The following ANKRD30BL variants were observed in gnomAD, a reference collection of about 807,000 sequenced individuals.
ANKRD30BL encodes the protein putative ankyrin repeat domain-containing protein 30B-like.
Under a neutral mutation model 18.4 loss-of-function variants are expected in ANKRD30BL, and 20 were observed. The observed-to-expected ratio is 1.09, with a 90% CI of 0.77 to 1.58. ANKRD30BL has a LOEUF of 1.58. Among genes scored for constraint, ANKRD30BL ranks in the 40% most tolerant of loss-of-function variants. ANKRD30BL has a pLI of 0.00. For synonymous variants in ANKRD30BL, 72 were observed against 100.9 expected (o/e 0.71, Z 1.72); for missense variants, 224 against 268.6 (o/e 0.83, Z 1.16).
intron 1 of ANKRD30BL, among the ~76,000 whole-genome samples, chr2:132,225,053 C>A (rs199782305): frequency 6.6e-6 from 1 of 151,722 alleles, no homozygotes; most frequent in East Asian, 2.0e-4. Flanking sequence ...GAGACTTGAA[C>A]ATTCTTAATA....
chr2:132,221,692 G>T (rs1334445457), intron 1 of ANKRD30BL, among the ~76,000 whole-genome samples: 9 of 117,448 alleles, frequency 7.7e-5, no homozygotes, highest in Non-Finnish European at 1.2e-4. Context: ...GGAGGGAGGT[G>T]GGGGGATCAG....
intron 1 of ANKRD30BL, among the ~76,000 whole-genome samples, chr2:132,218,497 T>C (rs1394947339): frequency 4.6e-5 from 7 of 152,236 alleles, no homozygotes; most frequent in Non-Finnish European, 8.8e-5. Context: ...CTCAGAAACT[T>C]CTTTGTGATG....
chr2:132,228,806 T>A (rs944446347), intron 1 of ANKRD30BL, among the ~76,000 whole-genome samples: 1 of 149,300 alleles, frequency 6.7e-6, no homozygotes, highest in Non-Finnish European at 1.5e-5. Context: ...TCTGAAAAAC[T>A]TCTTTGTGGT....
chr2:132,253,765 A>C (rs75397094), intron 1 of ANKRD30BL, among the ~76,000 whole-genome samples: 1 of 150,818 alleles, frequency 6.6e-6, no homozygotes, highest in African/African-American at 2.4e-5. Context: ...AAACCTCTGC[A>C]CCAGAATGCG....
chr2:132,202,315 C>A, intron 1 of ANKRD30BL, among the ~76,000 whole-genome samples: 1 of 151,222 alleles, frequency 6.6e-6, no homozygotes, highest in African/African-American at 2.4e-5. Context: ...AAGTACATCA[C>A]CAAAAAAATA....
chr2:132,221,333 C>G (rs1242161211), intron 1 of ANKRD30BL, among the ~76,000 whole-genome samples: 26 of 147,260 alleles, frequency 1.8e-4, no homozygotes, highest in African/African-American at 6.7e-4. Context: ...GGGGTCAGCC[C>G]CCCGCCCGGC....
chr2:132,245,422 A>C (rs1680469529), intron 1 of ANKRD30BL, among the ~76,000 whole-genome samples: 2 of 12,608 alleles, frequency 1.6e-4, no homozygotes, highest in African/African-American at 3.7e-4. Flanking sequence ...TTTGAGGCCT[A>C]TGGAGAAAAA....
intron 1 of ANKRD30BL, among the ~76,000 whole-genome samples, chr2:132,255,923 C>T (rs549686691): frequency 5.3e-5 from 8 of 152,160 alleles, no homozygotes; most frequent in African/African-American, 1.7e-4. Flanking sequence ...TGGCGGCACC[C>T]GACCCCCCGG....
chr2:132,229,034 T>A (rs1679928371), intron 1 of ANKRD30BL, among the ~76,000 whole-genome samples: 1 of 152,058 alleles, frequency 6.6e-6, no homozygotes, highest in African/African-American at 2.4e-5. Flanking sequence ...ATAGAGCAGT[T>A]TTAAAGCTCC....
intron 1 of ANKRD30BL, among the ~76,000 whole-genome samples, chr2:132,251,312 A>C (rs1680640814): frequency 6.6e-6 from 1 of 152,182 alleles, no homozygotes; most frequent in Admixed American, 6.6e-5. Context: ...ACTGTTTTGC[A>C]TGCATTCATT....
chr2:132,231,869 C>T (rs1294486341), intron 1 of ANKRD30BL, among the ~76,000 whole-genome samples: 2 of 152,240 alleles, frequency 1.3e-5, no homozygotes, highest in African/African-American at 2.4e-5. Flanking sequence ...CCTCTGTAGG[C>T]TCCACCTCTG....
chr2:132,255,181 C>T (rs999693205), intron 1 of ANKRD30BL, among the ~76,000 whole-genome samples: 3 of 152,214 alleles, frequency 2.0e-5, no homozygotes, highest in Non-Finnish European at 2.9e-5. Flanking sequence ...GACTTTCGTT[C>T]TTGATTAATG....
At chr2:132,229,013 C>A (rs1164109832) in intron 1 of ANKRD30BL, among the ~76,000 whole-genome samples, 1 of 151,816 alleles carries the variant, frequency 6.6e-6, no homozygotes, top group South Asian at 2.1e-4. Flanking sequence ...CGGATTGAAA[C>A]CTTTCTTTTG....
chr2:132,219,895 T>C (rs1001668833), intron 1 of ANKRD30BL, among the ~76,000 whole-genome samples: 1 of 152,164 alleles, frequency 6.6e-6, no homozygotes, highest in Non-Finnish European at 1.5e-5. Context: ...CTCACAGAGT[T>C]GAACCTTTCT....
At chr2:132,208,131 C>G (rs537694696) in intron 1 of ANKRD30BL, among the ~76,000 whole-genome samples, 1 of 152,132 alleles carries the variant, frequency 6.6e-6, no homozygotes, top group African/African-American at 2.4e-5. Context: ...ATTCCCTAAA[C>G]AGAATTGTAG....
intron 1 of ANKRD30BL, among the ~76,000 whole-genome samples, chr2:132,224,573 C>T (rs1679790297): frequency 6.6e-6 from 1 of 152,062 alleles, no homozygotes; most frequent in African/African-American, 2.4e-5. Flanking sequence ...AGGTTTGAAA[C>T]ACTCATTTTG....
At chr2:132,209,531 C>A (rs1679289343) in intron 1 of ANKRD30BL, among the ~76,000 whole-genome samples, 1 of 152,086 alleles carries the variant, frequency 6.6e-6, no homozygotes, top group Non-Finnish European at 1.5e-5. Flanking sequence ...AAAAACTACA[C>A]AAATGCCTTC....
intron 1 of ANKRD30BL, among the ~76,000 whole-genome samples, chr2:132,201,565 A>G (rs1216374059): frequency 5.3e-5 from 8 of 152,246 alleles, no homozygotes; most frequent in Non-Finnish European, 1.2e-4. Context: ...TGGCCATCAG[A>G]GAAATGCAAA....
At chr2:132,252,162 G>C (rs1015889633) in intron 1 of ANKRD30BL, among the ~76,000 whole-genome samples, 1 of 152,202 alleles carries the variant, frequency 6.6e-6, no homozygotes, top group Non-Finnish European at 1.5e-5. Flanking sequence ...GTAATGAAAT[G>C]TGAAACTAAG....
Sources: allele counts gnomAD v4.1 joint callset (sites outside exome capture counted in the v4.1 genomes callset), GRCh38; gene constraint gnomAD v4.1.1; transcripts MANE v1.5; gene names NCBI Gene and HGNC (gene_info 2026-07-23, HGNC 2026-07-21).